SCN3A: variants seen among roughly 807,000 people sequenced by gnomAD.
SCN3A encodes sodium channel protein type 3 subunit alpha.
A neutral mutation model predicts 187.6 loss-of-function variants in SCN3A; 60 were observed. The observed-to-expected ratio is 0.32, with a 90% confidence interval of 0.26 to 0.40. The LOEUF (loss-of-function observed/expected upper bound fraction) is 0.40, where lower values mean the gene tolerates loss of function less well. Among genes scored for constraint, SCN3A ranks in the 10% least tolerant of loss-of-function variants. SCN3A has a pLI of 1.00. For missense variants in SCN3A, 1,601 were observed against 2,428.2 expected (o/e 0.66, Z 7.16); for synonymous variants, 788 against 829.2 (o/e 0.95, Z 0.85).
intron 11 of SCN3A, among the ~76,000 whole-genome samples, chr2:165,149,202 G>C (rs1425709247): frequency 6.7e-6 from 1 of 148,424 alleles, no homozygotes; most frequent in Non-Finnish European, 1.5e-5. Flanking sequence ...TTTAGATGGG[G>C]TCTCACTCTG....
intron 18 of SCN3A, among the ~76,000 whole-genome samples, chr2:165,122,226 C>T (rs889859775): frequency 2.0e-4 from 24 of 119,236 alleles, no homozygotes; most frequent in Admixed American, 3.7e-4. Context: ...TTTTTTCTTT[C>T]TTTCTTTTTT....
chr2:165,142,414 C>T (rs1321731592), intron 12 of SCN3A, among the ~76,000 whole-genome samples: 1 of 152,136 alleles, frequency 6.6e-6, no homozygotes, highest in Non-Finnish European at 1.5e-5. Flanking sequence ...TCCTCTGTCT[C>T]AGTGATATTC....
At chr2:165,094,304 C>T (rs952510738) in intron 26 of SCN3A, 70 bp downstream of exon 26, 4 of 1,086,392 alleles carry the variant, frequency 3.7e-6, no homozygotes, top group Non-Finnish European at 4.3e-6. Flanking sequence ...TGTTCTGCTC[C>T]AGAGCATTGC....
At chr2:165,142,802 G>A (rs756343526) in intron 12 of SCN3A, among the ~76,000 whole-genome samples, 15 of 152,090 alleles carry the variant, frequency 9.9e-5, no homozygotes, top group Admixed American at 3.3e-4. Context: ...CCAGGCTGGA[G>A]TGCAGTGGTA....
chr2:165,147,217 T>C (rs1688405390), intron 11 of SCN3A, among the ~76,000 whole-genome samples, 188 bp from the exon 12 acceptor site: 1 of 149,242 alleles, frequency 6.7e-6, no homozygotes, highest in South Asian at 2.2e-4. Context: ...TATAAAGCAA[T>C]ATGCTAGTGT....
At chr2:165,154,304 A>AGT (rs1336312151) in intron 11 of SCN3A, 148 bp downstream of exon 11, 1 of 881,648 alleles carries the variant, frequency 1.1e-6, no homozygotes, top group Non-Finnish European at 1.7e-6. Context: ...TTCAGAAACA[A>AGT]GTTCATATTT....
intron 25 of SCN3A, among the ~76,000 whole-genome samples, chr2:165,094,787 T>TA (rs1413385458): frequency 6.6e-6 from 1 of 152,226 alleles, no homozygotes; most frequent in Non-Finnish European, 1.5e-5. Flanking sequence ...TCACTGCCGA[T>TA]AATTTTACTT....
At chr2:165,154,274 AAAGTTTGTTAGACTCTAACTTCAGAAAC>A (rs1688876868) in intron 11 of SCN3A, among the ~76,000 whole-genome samples, 150 bp downstream of exon 11, 1 of 152,122 alleles carries the variant, frequency 6.6e-6, no homozygotes, top group Non-Finnish European at 1.5e-5. Flanking sequence ...CAGTGGCTAA[AAAGTTTGTTAGACTCTAACTTCAGAAAC>A]AAGTTCATAT....
intron 21 of SCN3A, among the ~76,000 whole-genome samples, chr2:165,106,664 A>G (rs1685877677): frequency 6.6e-6 from 1 of 152,248 alleles, no homozygotes; most frequent in Non-Finnish European, 1.5e-5. Flanking sequence ...CAAATTAAGC[A>G]TTGAAGACAA....
chr2:165,188,804 CAAAAAAA>C (rs763003775), intron 1 of SCN3A, among the ~76,000 whole-genome samples: 12 of 72,546 alleles, frequency 1.7e-4, no homozygotes, highest in South Asian at 5.0e-4. Context: ...CGCCCCACTT[CAAAAAAA>C]AAAAAAAAAA....
At position 165,131,222 on chromosome 2, in the gene SCN3A, A is replaced by C. The variant is rs201549321; in HGVS notation, c.2565+22T>G. On this transcript the variant is annotated intron_variant, in intron 16 of 27. Coordinates refer to ENST00000283254, the MANE Select transcript of SCN3A (RefSeq NM_006922.4). ...AATAAATGTTGTGCCAATGAGCGAC[A>C]GGGATATATATAAATAGATACCAGT... is the stretch of plus-strand genomic sequence containing the variant. The C allele has an allele frequency of 3.4e-6, 5 of 1,478,690 alleles. No individual in the cohort carries two copies. The East Asian group carries it at 9.8e-5, about 29-fold the overall frequency. 91.6% of individuals were successfully genotyped at this position (1,478,690 alleles called of 1,614,324 possible).
chr2:165,174,491 C>T (rs1310515356), intron 3 of SCN3A, among the ~76,000 whole-genome samples: 1 of 152,194 alleles, frequency 6.6e-6, no homozygotes, highest in Non-Finnish European at 1.5e-5. Context: ...TTCTGTCTCC[C>T]TTGGAAAATA....
Position 165,165,616 on chromosome 2 carries a change from T to C in SCN3A, c.474-1096A>G, listed in dbSNP as rs543139654. On this transcript the variant is annotated intron_variant, in intron 5 of 27. Coordinates refer to ENST00000283254, the MANE Select transcript of SCN3A (RefSeq NM_006922.4). ...TGAGAGTACTTGTTTTTCAACATTG[T>C]GTTCTTTAAAAGCACAATTTAAGTT... Among the ~76,000 whole-genome samples, 329 of 152,346 alleles carry C rather than the reference T, an allele frequency of 2.2e-3. 2 individuals are homozygous for C. Among genetic ancestry groups the C allele is most frequent in the Admixed American group, 4.1e-3 (63 of 15,290 alleles).
chr2:165,170,893 G>T (rs775708665), intron 3 of SCN3A, among the ~76,000 whole-genome samples: 1 of 151,846 alleles, frequency 6.6e-6, no homozygotes, highest in Non-Finnish European at 1.5e-5. Flanking sequence ...AGATTACTCT[G>T]TACACATTGC....
chr2:165,091,394 A>T, intron 27 of SCN3A, 49 bp from the exon 28 acceptor site: 1 of 1,607,188 alleles, frequency 6.2e-7, no homozygotes. Flanking sequence ...TTTCACTTAC[A>T]TGATGGCTTT....
At position 165,113,853 on chromosome 2, in the gene SCN3A, A is replaced by AACAC; in HGVS notation, c.3631_3632insGTGT (p.Phe1211CysfsTer11). 6.2e-7 allele frequency: 1 copy of AACAC among 1,614,036 alleles called. No homozygotes were observed. Among genetic ancestry groups the AACAC allele is most frequent in the Non-Finnish European group, 8.5e-7 (1 of 1,179,932 alleles). ...ACTGAGAAGGATCATGAACACAATG[A>AACAC]AAGTCTCAAACCAGTTGTGCTCAAC... On this transcript the variant is annotated frameshift_variant, in exon 20 of 28. Coordinates refer to ENST00000283254, the MANE Select transcript of SCN3A (RefSeq NM_006922.4). LOFTEE classifies it high-confidence loss of function.
At chr2:165,093,350 A>G in intron 26 of SCN3A, 1 of 152,080 alleles carries the variant, frequency 6.6e-6, no homozygotes, top group East Asian at 1.9e-4. Flanking sequence ...TTGTTAATTT[A>G]TCTGTATTTC....
chr2:165,187,323 A>T (rs1328320945), intron 1 of SCN3A, among the ~76,000 whole-genome samples: 1 of 152,192 alleles, frequency 6.6e-6, no homozygotes, highest in Non-Finnish European at 1.5e-5. Context: ...TATTAACCTA[A>T]ATGTAATAAC....
chr2:165,124,147 A>T (rs1010522783), intron 18 of SCN3A, among the ~76,000 whole-genome samples: 3 of 152,098 alleles, frequency 2.0e-5, no homozygotes, highest in African/African-American at 7.2e-5. Context: ...AGAGGAGGAT[A>T]AAGTAGTTAT....
Sources: allele counts gnomAD v4.1 joint callset (sites outside exome capture counted in the v4.1 genomes callset), GRCh38; gene constraint gnomAD v4.1.1; transcripts MANE v1.5; gene names NCBI Gene and HGNC (gene_info 2026-07-23, HGNC 2026-07-21).